Variants in ASTN2 observed in about 807,000 individuals in gnomAD.
ASTN2 encodes the protein astrotactin-2.
ASTN2 carries 54 observed loss-of-function variants against 139.8 expected under a neutral mutation model. The observed-to-expected ratio is 0.39, with a 90% CI of 0.31 to 0.48. The LOEUF (loss-of-function observed/expected upper bound fraction) is 0.48, where lower values mean the gene tolerates loss of function less well. Ranked by LOEUF, ASTN2 falls within the 20% of genes least tolerant of loss-of-function variation. ASTN2 has a pLI of 0.95. For synonymous variants in ASTN2, 756 were observed against 719.5 expected, an observed-to-expected ratio of 1.05 and a Z score of -0.81; for missense variants, 1,565 against 1,725.1, an observed-to-expected ratio of 0.91 and a Z score of 1.64.
intron 1 of ASTN2, among the ~76,000 whole-genome samples, chr9:117,327,617 G>A (rs1224193822): frequency 2.0e-5 from 3 of 152,148 alleles, no homozygotes; most frequent in African/African-American, 7.2e-5. Flanking sequence ...GGGAGATCAT[G>A]ACAGTACTGG....
intron 3 of ASTN2, among the ~76,000 whole-genome samples, chr9:117,178,698 A>G (rs2132940799): frequency 6.6e-6 from 1 of 152,366 alleles, no homozygotes; most frequent in Non-Finnish European, 1.5e-5. Flanking sequence ...CTCACCACTC[A>G]GATCCAATTA....
At chr9:116,836,570 A>AGTTTTGTTTTGTTTTGTTTT (rs59997144) in intron 11 of ASTN2, among the ~76,000 whole-genome samples, 5 of 150,360 alleles carry the variant, frequency 3.3e-5, no homozygotes, top group African/African-American at 7.4e-5. Flanking sequence ...TAGGGAGAGC[A>AGTTTTGTTTTGTTTTGTTTT]GTTTTGTTTT....
At chr9:117,093,766 A>AATT (rs1828765181) in intron 5 of ASTN2, among the ~76,000 whole-genome samples, 18 of 152,222 alleles carry the variant, frequency 1.2e-4, no homozygotes, top group Admixed American at 1.2e-3. Flanking sequence ...AACAACAAAA[A>AATT]ATTATAGCAG....
chr9:116,679,170 T>C (rs1218647772), intron 16 of ASTN2, among the ~76,000 whole-genome samples: 1 of 152,188 alleles, frequency 6.6e-6, no homozygotes, highest in Non-Finnish European at 1.5e-5. Flanking sequence ...TAGTTATGGT[T>C]ATCATTTTAG....
intron 19 of ASTN2, among the ~76,000 whole-genome samples, chr9:116,564,363 T>C (rs1222153024): frequency 6.6e-6 from 1 of 152,136 alleles, no homozygotes; most frequent in Non-Finnish European, 1.5e-5. Flanking sequence ...GGGCTGGAGA[T>C]GACTCAGCAG....
intron 10 of ASTN2, among the ~76,000 whole-genome samples, chr9:116,937,264 G>A (rs1279862937): frequency 2.0e-5 from 3 of 152,072 alleles, no homozygotes; most frequent in Non-Finnish European, 4.4e-5. Context: ...GTTGACTCCT[G>A]AGCAACCACT....
chr9:117,359,774 G>C (rs949151323), intron 1 of ASTN2, among the ~76,000 whole-genome samples: 1 of 152,160 alleles, frequency 6.6e-6, no homozygotes. Flanking sequence ...AGGGATTGCA[G>C]ATTCAACTGT....
intron 10 of ASTN2, among the ~76,000 whole-genome samples, chr9:116,952,085 AT>A (rs1768706782): frequency 6.6e-6 from 1 of 152,190 alleles, no homozygotes; most frequent in South Asian, 2.1e-4. Flanking sequence ...AAGCTTTTCC[AT>A]TACTTGATTA....
intron 22 of ASTN2, among the ~76,000 whole-genome samples, chr9:116,435,196 T>C (rs1847613184): frequency 6.6e-6 from 1 of 152,194 alleles, no homozygotes; most frequent in Non-Finnish European, 1.5e-5. Context: ...AGCCCTTTCA[T>C]GTTACAAACA....
At chr9:117,080,942 A>T (rs1390457327) in intron 5 of ASTN2, among the ~76,000 whole-genome samples, 1 of 152,216 alleles carries the variant, frequency 6.6e-6, no homozygotes, top group Non-Finnish European at 1.5e-5. Context: ...TTCTTCAAAC[A>T]TCACACCCAA....
chr9:117,138,115 A>G (rs1181141716), intron 4 of ASTN2, among the ~76,000 whole-genome samples: 2 of 152,240 alleles, frequency 1.3e-5, no homozygotes, highest in East Asian at 1.9e-4. Context: ...TGTTAGATTT[A>G]TAAATATGAA....
chr9:116,880,095 A>G (rs1833413203), intron 10 of ASTN2, among the ~76,000 whole-genome samples: 2 of 152,232 alleles, frequency 1.3e-5, no homozygotes, highest in South Asian at 4.1e-4. Context: ...CCAAAAATAT[A>G]TTTTAAGACA....
At chr9:116,499,539 T>G (rs1849785599) in intron 19 of ASTN2, among the ~76,000 whole-genome samples, 1 of 152,176 alleles carries the variant, frequency 6.6e-6, no homozygotes, top group Non-Finnish European at 1.5e-5. Context: ...CCATAACTCA[T>G]TGTCCTGTAA....
chr9:117,199,792 T>C (rs1564473884), intron 3 of ASTN2, among the ~76,000 whole-genome samples: 1 of 152,182 alleles, frequency 6.6e-6, no homozygotes, highest in Admixed American at 6.5e-5. Flanking sequence ...GTTTGTGTCC[T>C]CTCTTATTTC....
intron 19 of ASTN2, among the ~76,000 whole-genome samples, chr9:116,543,307 T>C (rs1587972207): frequency 6.6e-6 from 1 of 151,048 alleles, no homozygotes; most frequent in Non-Finnish European, 1.5e-5. Flanking sequence ...CATGGTGGCG[T>C]GTGACTGCCG....
At chr9:116,983,582 A>G (rs966288688) in intron 7 of ASTN2, among the ~76,000 whole-genome samples, 92 of 152,302 alleles carry the variant, frequency 6.0e-4, no homozygotes, top group African/African-American at 2.1e-3. Flanking sequence ...TGTGTGAGAC[A>G]CTGAGGGTCA....
At chr9:116,436,706 A>T (rs1412609860) in intron 22 of ASTN2, among the ~76,000 whole-genome samples, 2 of 152,164 alleles carry the variant, frequency 1.3e-5, no homozygotes, top group Non-Finnish European at 2.9e-5. Flanking sequence ...TTAGAAAAAA[A>T]GGGTATATAC....
chr9:116,757,878 A>T (rs1289097897), intron 13 of ASTN2, among the ~76,000 whole-genome samples: 1 of 152,194 alleles, frequency 6.6e-6, no homozygotes, highest in Admixed American at 6.6e-5. Flanking sequence ...ATGCTTAACA[A>T]ATTCTTAATT....
At chr9:117,120,018 G>GTGTTTATATATATATA (rs1306397698) in intron 4 of ASTN2, among the ~76,000 whole-genome samples, 1 of 46,000 alleles carries the variant, frequency 2.2e-5, no homozygotes, top group Non-Finnish European at 3.9e-5. Context: ...GTGTGTGTGT[G>GTGTTTATATATATATA]TATATATATA....
Sources: allele counts gnomAD v4.1 joint callset (sites outside exome capture counted in the v4.1 genomes callset), GRCh38; gene constraint gnomAD v4.1.1; transcripts MANE v1.5; gene names NCBI Gene and HGNC (gene_info 2026-07-23, HGNC 2026-07-21).